Variants in UTRN observed in about 807,000 individuals in gnomAD.
UTRN encodes dystrophin-related protein 1.
A neutral mutation model predicts 463.9 loss-of-function variants in UTRN; 283 were observed. That is an observed-to-expected ratio of 0.61 (90% confidence interval 0.55 to 0.67). The LOEUF (loss-of-function observed/expected upper bound fraction) is 0.67, where lower values mean the gene tolerates loss of function less well. Ranked by LOEUF, UTRN falls within the 30% of genes least tolerant of loss-of-function variation. The probability of loss-of-function intolerance (pLI) is 0.00; values close to 1 mark genes in which losing one functional copy is unlikely to be tolerated. For missense variants in UTRN, 3,922 were observed against 4,084.3 expected (o/e 0.96, Z 1.08); for synonymous variants, 1,442 against 1,431.5 (o/e 1.01, Z -0.17).
chr6:144,400,091 T>C (rs1281517683), intron 2 of UTRN, among the ~76,000 whole-genome samples: 1 of 152,190 alleles, frequency 6.6e-6, no homozygotes, highest in Non-Finnish European at 1.5e-5. Flanking sequence ...GGATAAGATT[T>C]GCTAAGCCAG....
At chr6:144,367,995 C>T (rs1176731656) in intron 2 of UTRN, among the ~76,000 whole-genome samples, 3 of 151,934 alleles carry the variant, frequency 2.0e-5, no homozygotes, top group Admixed American at 6.6e-5. Flanking sequence ...TTGGCCAGGC[C>T]GGTATCAAAC....
At chr6:144,321,048 A>G (rs1224578434) in intron 2 of UTRN, among the ~76,000 whole-genome samples, 2 of 152,204 alleles carry the variant, frequency 1.3e-5, no homozygotes, top group African/African-American at 4.8e-5. Flanking sequence ...CTAGCTCATC[A>G]TATTAAACAC....
intron 2 of UTRN, among the ~76,000 whole-genome samples, chr6:144,293,894 A>ATGTGTGTG (rs57561876): frequency 1.2e-3 from 179 of 148,644 alleles, no homozygotes; most frequent in African/African-American, 4.3e-3. Context: ...GATGTGTGTG[A>ATGTGTGTG]TGTGTGTGTG....
At chr6:144,600,651 A>G (rs997722726) in intron 51 of UTRN, among the ~76,000 whole-genome samples, 2 of 152,252 alleles carry the variant, frequency 1.3e-5, no homozygotes, top group Admixed American at 1.3e-4. Flanking sequence ...CATCTTCATA[A>G]CACAAAAGTA....
At chr6:144,460,506 T>A (rs1432077763) in intron 21 of UTRN, among the ~76,000 whole-genome samples, 2 of 152,250 alleles carry the variant, frequency 1.3e-5, no homozygotes, top group Admixed American at 6.5e-5. Flanking sequence ...TTCCTTGAAT[T>A]CAGTTATGTG....
At chr6:144,551,113 C>T (rs189447151) in intron 48 of UTRN, 31 bp downstream of exon 48, 2 of 1,410,640 alleles carry the variant, frequency 1.4e-6, no homozygotes, top group East Asian at 4.7e-5. Context: ...TATGTATTAT[C>T]ATCCACTTTC....
intron 74 of UTRN, 105 bp downstream of exon 74, chr6:144,846,932 G>A (rs1782072327): frequency 1.4e-6 from 2 of 1,467,498 alleles, no homozygotes; most frequent in African/African-American, 2.8e-5. Flanking sequence ...ATGTAAATAA[G>A]TAAACTTACT....
Position 144,774,373 on chromosome 6 carries a change from T to C in UTRN, c.8632+9T>C. On this transcript the variant is annotated intron_variant, in intron 60 of 74. Transcript: ENST00000367545. Reference sequence around the variant, plus strand: ...ACAAAAAGCACTATGTTGTGAGTTATTCTACCAAAGTTAATCAATCTGTTA... The same window carrying C: ...ACAAAAAGCACTATGTTGTGAGTTACTCTACCAAAGTTAATCAATCTGTTA... The C allele has an allele frequency of 6.3e-7, 1 of 1,575,244 alleles. No individual in the cohort carries two copies. Among genetic ancestry groups the C allele is most frequent in the East Asian group, 2.3e-5 (1 of 43,816 alleles).
chr6:144,591,728 G>A (rs559977657), intron 51 of UTRN, among the ~76,000 whole-genome samples: 8 of 151,682 alleles, frequency 5.3e-5, no homozygotes, highest in African/African-American at 1.7e-4. Flanking sequence ...TCAGTTTTGA[G>A]TCTAAACTCA....
chr6:144,548,649 A>G lies in UTRN; in HGVS notation c.6605A>G (p.Asn2202Ser), dbSNP rs1534443. 0.26 allele frequency: 420,524 copies of G among 1,611,464 alleles called. 59,896 individuals carry two copies. The highest frequency in any genetic ancestry group is 0.59 in the East Asian group (26,651 of 44,800). ...ACATTTTTCATTTCAGCTCATCCTA[A>G]TGTCCAAAAGGTGGTGCTAGTATCA... The part of the protein sequence containing the change: ...VSQTRIAAHP[N>S]VQKVVLVSSA... The change falls in exon 47 of 75, where the codon AAT (asparagine) becomes AGT (serine). Residue 2202 changes from asparagine to serine, a missense_variant. Asn to Ser is a conservative substitution (Grantham distance 46). Coordinates refer to ENST00000367545, the MANE Select transcript of UTRN (RefSeq NM_007124.3).
intron 2 of UTRN, among the ~76,000 whole-genome samples, chr6:144,304,144 G>A (rs1805514683): frequency 6.6e-6 from 1 of 152,146 alleles, no homozygotes; most frequent in Admixed American, 6.5e-5. Flanking sequence ...TTGTCATACT[G>A]TTTGTAAGTT....
intron 51 of UTRN, among the ~76,000 whole-genome samples, chr6:144,653,101 A>G (rs1778984975): frequency 6.6e-6 from 1 of 152,200 alleles, no homozygotes; most frequent in Non-Finnish European, 1.5e-5. Flanking sequence ...GTTTCATTCT[A>G]GACACTCAGC....
In UTRN at chr6:144,461,188, A is replaced by T. The variant is rs759399908; in HGVS notation, c.2708-9A>T. 5 of 1,554,502 alleles carry T rather than the reference A, an allele frequency of 3.2e-6. No individual in the cohort carries two copies. In the East Asian group the frequency reaches 1.1e-4, roughly 35 times the overall value. On this transcript the variant is annotated splice_polypyrimidine_tract_variant and intron_variant, in intron 21 of 74. Transcript: ENST00000367545. Reference sequence around the variant, plus strand: ...GATTTTTTCAAACTAAATATTTTTAAATAAACAGAACTGAAGGGCCAACCT... The same window carrying T: ...GATTTTTTCAAACTAAATATTTTTATATAAACAGAACTGAAGGGCCAACCT...
At chr6:144,414,102 A>G (rs1167501937) in intron 3 of UTRN, among the ~76,000 whole-genome samples, 2 of 151,656 alleles carry the variant, frequency 1.3e-5, no homozygotes, top group Non-Finnish European at 2.9e-5. Context: ...TGTCTGGTCC[A>G]TTATTTTAGA....
intron 30 of UTRN, 45 bp downstream of exon 30, chr6:144,488,879 T>G (rs1263370707): frequency 6.7e-7 from 1 of 1,500,656 alleles, no homozygotes; most frequent in East Asian, 2.4e-5. Context: ...AAGAGAGCTT[T>G]TGTAATTGCC....
chr6:144,486,554 C>T (rs1792467890), intron 28 of UTRN, among the ~76,000 whole-genome samples: 1 of 152,038 alleles, frequency 6.6e-6, no homozygotes, highest in African/African-American at 2.4e-5. Context: ...TGGAATCTTG[C>T]TATGTTGCCC....
At chr6:144,642,914 T>C (rs1777910606) in intron 51 of UTRN, among the ~76,000 whole-genome samples, 1 of 152,186 alleles carries the variant, frequency 6.6e-6, no homozygotes, top group Non-Finnish European at 1.5e-5. Flanking sequence ...AATTTAATAC[T>C]TTTTTGCTCC....
Position 144,537,687 on chromosome 6 carries a change from C to G in UTRN, c.6339C>G (p.Thr2113=), listed in dbSNP as rs756561764. The G allele has an allele frequency of 6.2e-7, 1 of 1,610,058 alleles. No homozygotes were observed. Among genetic ancestry groups the G allele is most frequent in the South Asian group, 1.1e-5 (1 of 90,408 alleles). ...ATGCTATGCAAAAGAGATCAACCAC[C>G]GAATTGGGAGAAAACCTGCAAGAAT... is the stretch of plus-strand genomic sequence containing the variant. ...AEHAMQKRST[T]ELGENLQELR... is the part of the protein sequence containing the mutation. The change falls in exon 44 of 75, where the codon ACC becomes ACG. Residue 2113 remains threonine (T), a synonymous_variant. Transcript: ENST00000367545.
chr6:144,360,174 CTTCTTCCT>C (rs1039317733), intron 2 of UTRN, among the ~76,000 whole-genome samples: 1 of 143,146 alleles, frequency 7.0e-6, no homozygotes. Context: ...CTTTTCTTTC[CTTCTTCCT>C]TTCTTCCTTT....
Sources: allele counts gnomAD v4.1 joint callset (sites outside exome capture counted in the v4.1 genomes callset), GRCh38; gene constraint gnomAD v4.1.1; transcripts MANE v1.5; gene names NCBI Gene and HGNC (gene_info 2026-07-23, HGNC 2026-07-21).